The following STPG2 variants were observed in gnomAD, a reference collection of about 807,000 sequenced individuals.
STPG2 encodes sperm tail PG-rich repeat containing 2.
STPG2 carries 56 observed loss-of-function variants against 54.2 expected under a neutral mutation model. The observed-to-expected ratio is 1.03, with a 90% confidence interval of 0.83 to 1.29. The LOEUF is 1.29. STPG2 is among the 50% of genes most tolerant of loss of function. The pLI is 0.00. For synonymous variants in STPG2, 200 were observed against 181.8 expected (o/e 1.10, Z -0.81); for missense variants, 596 against 544.9 (o/e 1.09, Z -0.93).
At chr4:97,999,908 T>C (rs1735360903) in intron 5 of STPG2, among the ~76,000 whole-genome samples, 1 of 152,220 alleles carries the variant, frequency 6.6e-6, no homozygotes, top group South Asian at 2.1e-4. Flanking sequence ...ACATGGCATC[T>C]GAGGCCATGA....
intron 8 of STPG2, among the ~76,000 whole-genome samples, chr4:97,906,596 A>G (rs1023286379): frequency 1.3e-5 from 2 of 152,180 alleles, no homozygotes; most frequent in Non-Finnish European, 2.9e-5. Flanking sequence ...TCCTTGATGA[A>G]CATTGATGCA....
intron 6 of STPG2, among the ~76,000 whole-genome samples, chr4:97,979,550 C>T (rs1578751748): frequency 6.6e-6 from 1 of 152,070 alleles, no homozygotes; most frequent in Admixed American, 6.6e-5. Context: ...ATCTTAAGAA[C>T]CACAAATAAG....
intron 9 of STPG2, among the ~76,000 whole-genome samples, chr4:97,737,359 G>A (rs1250010160): frequency 6.6e-6 from 1 of 152,204 alleles, no homozygotes; most frequent in Non-Finnish European, 1.5e-5. Context: ...AAGCTGGACG[G>A]AGAATGACTT....
intron 6 of STPG2, 49 bp from the exon 7 acceptor site, chr4:97,972,489 G>C: frequency 2.6e-6 from 3 of 1,151,038 alleles, no homozygotes; most frequent in Non-Finnish European, 3.5e-6. Flanking sequence ...GCTTTTATAT[G>C]CACCTTTTGA....
At chr4:98,061,755 C>G (rs766046647) in intron 5 of STPG2, among the ~76,000 whole-genome samples, 7 of 152,132 alleles carry the variant, frequency 4.6e-5, no homozygotes, top group Non-Finnish European at 8.8e-5. Context: ...ATACCAATCT[C>G]ACACCTGTCA....
intron 4 of STPG2, among the ~76,000 whole-genome samples, chr4:97,472,317 G>C (rs1729957394): frequency 6.6e-6 from 1 of 152,202 alleles, no homozygotes; most frequent in Admixed American, 6.5e-5. Context: ...AAAAACTCCA[G>C]GGAGACGCAG....
intron 10 of STPG2, among the ~76,000 whole-genome samples, chr4:97,710,508 C>T (rs2149005885): frequency 6.6e-6 from 1 of 152,168 alleles, no homozygotes; most frequent in Non-Finnish European, 1.5e-5. Flanking sequence ...ATAACTATCT[C>T]AATGGCAGAT....
intron 5 of STPG2, among the ~76,000 whole-genome samples, chr4:98,094,021 T>A (rs994248271): frequency 6.6e-6 from 1 of 152,144 alleles, no homozygotes; most frequent in African/African-American, 2.4e-5. Context: ...AGTAGTAGAC[T>A]GGGTTTAGAG....
intron 9 of STPG2, among the ~76,000 whole-genome samples, chr4:97,768,258 A>C (rs1213141857): frequency 6.6e-6 from 1 of 152,240 alleles, no homozygotes; most frequent in Non-Finnish European, 1.5e-5. Flanking sequence ...CACAATGCAA[A>C]GACTTAAAAT....
Position 97,993,119 on chromosome 4 carries a change from T to C in STPG2, c.613-11801A>G, listed in dbSNP as rs554693876. ...GCTCTGGCTAGGATTTCCAGTACTA[T>C]GTTGAGTAGAAGTGATGAAAGTGGG... On this transcript the variant is annotated intron_variant, in intron 5 of 10. Coordinates refer to ENST00000295268, the MANE Select transcript of STPG2 (RefSeq NM_174952.3). Among the ~76,000 whole-genome samples, 27 of 152,290 alleles carry C rather than the reference T, an allele frequency of 1.8e-4. No individual in the cohort carries two copies. The South Asian group carries it at 5.0e-3, about 28-fold the overall frequency.
At chr4:97,671,783 TG>T (rs1722704099) in intron 10 of STPG2, among the ~76,000 whole-genome samples, 1 of 152,158 alleles carries the variant, frequency 6.6e-6, no homozygotes, top group Non-Finnish European at 1.5e-5. Flanking sequence ...TAAGTGGGCA[TG>T]GTAACAACAT....
At chr4:97,787,165 ACAGTTTAAT>A (rs1350124656) in intron 9 of STPG2, among the ~76,000 whole-genome samples, 1 of 152,022 alleles carries the variant, frequency 6.6e-6, no homozygotes. Context: ...GCAAATAAAG[ACAGTTTAAT>A]CATCCTGTGA....
At chr4:98,130,844 C>A (rs1739967849) in intron 2 of STPG2, among the ~76,000 whole-genome samples, 1 of 146,474 alleles carries the variant, frequency 6.8e-6, no homozygotes, top group African/African-American at 2.5e-5. Flanking sequence ...ATGGCGTGAA[C>A]CCGGGAGGTG....
Position 98,021,213 on chromosome 4 carries a change from G to C in STPG2, c.613-39895C>G, listed in dbSNP as rs1736176992. Among the ~76,000 whole-genome samples the C allele has an allele frequency of 1.6e-5, 2 of 124,676 alleles. 1 individual carries two copies. The highest frequency in any genetic ancestry group is 3.5e-5 in the Non-Finnish European group (2 of 56,434). The allele number at this position is 124,676 out of a possible 152,430, so 81.8% of individuals were successfully genotyped here. A position where few individuals can be genotyped will look rare whatever the true frequency, so the allele number is the denominator to read the frequency against. On this transcript the variant is annotated intron_variant, in intron 5 of 10. Transcript: ENST00000295268. ...GAATGTGTCTCAGAGATTCTGGTAT[G>C]TTGTGTCTTTGTTCTCATTGATTTC...
intron 8 of STPG2, among the ~76,000 whole-genome samples, chr4:97,926,599 C>A (rs984211161): frequency 1.3e-5 from 2 of 152,130 alleles, no homozygotes; most frequent in Non-Finnish European, 2.9e-5. Flanking sequence ...AAGTAAAACA[C>A]TTATTCTTTC....
chr4:97,786,744 T>A (rs1726836916), intron 9 of STPG2, among the ~76,000 whole-genome samples: 1 of 151,854 alleles, frequency 6.6e-6, no homozygotes, highest in Non-Finnish European at 1.5e-5. Flanking sequence ...GTTGGTCACT[T>A]AGTAACCATC....
intron 9 of STPG2, among the ~76,000 whole-genome samples, chr4:97,781,133 A>G (rs1292222391): frequency 1.3e-5 from 2 of 152,182 alleles, no homozygotes; most frequent in South Asian, 2.1e-4. Context: ...AAAAAAATCA[A>G]TGAATCCAGG....
intron 9 of STPG2, among the ~76,000 whole-genome samples, chr4:97,749,909 G>A (rs769827650): frequency 6.6e-6 from 1 of 151,718 alleles, no homozygotes; most frequent in Non-Finnish European, 1.5e-5. Flanking sequence ...AGAATCTTGT[G>A]AGGCCTTGGT....
intron 4 of STPG2, among the ~76,000 whole-genome samples, chr4:97,547,762 A>G (rs1424394397): frequency 1.3e-5 from 2 of 152,154 alleles, no homozygotes; most frequent in Admixed American, 6.5e-5. Flanking sequence ...GGTAGTGAGG[A>G]TAAAGCATTC....
Sources: allele counts gnomAD v4.1 joint callset (sites outside exome capture counted in the v4.1 genomes callset), GRCh38; gene constraint gnomAD v4.1.1; transcripts MANE v1.5; gene names NCBI Gene and HGNC (gene_info 2026-07-23, HGNC 2026-07-21).